Variants in HEMK2 observed in about 807,000 individuals in gnomAD.
HEMK2 encodes the protein methyltransferase HEMK2.
chr21:28,873,632 C>T, the HEMK2 span: 1 of 152,232 alleles, frequency 6.6e-6, no homozygotes, highest in South Asian at 2.1e-4. Context: ...TAAGAGATGC[C>T]CTAAGGAATC....
At chr21:28,678,146 A>G in the HEMK2 span, among the ~76,000 whole-genome samples, 1 of 152,188 alleles carries the variant, frequency 6.6e-6, no homozygotes, top group Non-Finnish European at 1.5e-5. Flanking sequence ...AAAAACCTGG[A>G]AAAAAATTAG....
chr21:28,832,868 A>G, the HEMK2 span, among the ~76,000 whole-genome samples: 1 of 152,246 alleles, frequency 6.6e-6, no homozygotes, highest in Non-Finnish European at 1.5e-5. Flanking sequence ...GATTCAGCTA[A>G]TATTTCTGGA....
the HEMK2 span, among the ~76,000 whole-genome samples, chr21:28,837,803 CAAGAA>C: frequency 6.6e-6 from 1 of 151,916 alleles, no homozygotes; most frequent in South Asian, 2.1e-4. Context: ...CAAGATTAAC[CAAGAA>C]AAGAAGAAAG....
chr21:28,803,602 G>GA, the HEMK2 span, among the ~76,000 whole-genome samples: 1 of 152,200 alleles, frequency 6.6e-6, no homozygotes, highest in African/African-American at 2.4e-5. Flanking sequence ...TTAATGCCCA[G>GA]AAAAACACAT....
At chr21:28,815,339 C>G in the HEMK2 span, among the ~76,000 whole-genome samples, 8 of 151,244 alleles carry the variant, frequency 5.3e-5, no homozygotes, top group East Asian at 2.0e-4. Flanking sequence ...CAAACCTGCA[C>G]GTTGTGCACA....
At chr21:28,630,643 A>G in the HEMK2 span, among the ~76,000 whole-genome samples, 4 of 151,754 alleles carry the variant, frequency 2.6e-5, no homozygotes, top group East Asian at 1.9e-4. Flanking sequence ...CATGGATGAA[A>G]CTGGAAACCA....
At chr21:28,608,479 G>A in the HEMK2 span, among the ~76,000 whole-genome samples, 1 of 151,874 alleles carries the variant, frequency 6.6e-6, no homozygotes, top group East Asian at 1.9e-4. Flanking sequence ...GGACAGAGCA[G>A]CATATGGAGA....
At chr21:28,634,150 G>C in the HEMK2 span, among the ~76,000 whole-genome samples, 1 of 152,146 alleles carries the variant, frequency 6.6e-6, no homozygotes, top group Admixed American at 6.5e-5. Flanking sequence ...AAATTATTTT[G>C]AGAACTCCAA....
chr21:28,666,559 T>A, the HEMK2 span, among the ~76,000 whole-genome samples: 1 of 152,256 alleles, frequency 6.6e-6, no homozygotes, highest in East Asian at 1.9e-4. Flanking sequence ...AAGAGAGACA[T>A]GAATGATTAG....
chr21:28,845,038 T>C, the HEMK2 span, among the ~76,000 whole-genome samples: 1 of 152,110 alleles, frequency 6.6e-6, no homozygotes, highest in Admixed American at 6.6e-5. Flanking sequence ...TCTCAGTTCA[T>C]ACATTTTTCT....
chr21:28,715,731 A>G, the HEMK2 span, among the ~76,000 whole-genome samples: 4 of 152,304 alleles, frequency 2.6e-5, no homozygotes, highest in African/African-American at 9.6e-5. Context: ...TATGTCCACA[A>G]GAGTATTTCC....
chr21:28,792,022 C>A, the HEMK2 span, among the ~76,000 whole-genome samples: 1 of 152,154 alleles, frequency 6.6e-6, no homozygotes, highest in Non-Finnish European at 1.5e-5. Flanking sequence ...CCCCACTGCT[C>A]ATTATATGCT....
At chr21:28,649,569 T>C in the HEMK2 span, among the ~76,000 whole-genome samples, 3 of 152,142 alleles carry the variant, frequency 2.0e-5, no homozygotes, top group African/African-American at 7.2e-5. Context: ...AACAGTAGAA[T>C]TTCTGAGAGT....
the HEMK2 span, among the ~76,000 whole-genome samples, chr21:28,584,542 T>C: frequency 6.6e-6 from 1 of 152,090 alleles, no homozygotes; most frequent in Non-Finnish European, 1.5e-5. Context: ...GCAAAACCTT[T>C]TAATTTAGGA....
the HEMK2 span, chr21:28,876,421 T>C: frequency 6.2e-7 from 1 of 1,611,850 alleles, no homozygotes; most frequent in Admixed American, 1.7e-5. Flanking sequence ...AAAGAGTTTC[T>C]TGGCCTGCTT....
At chr21:28,640,515 C>T in the HEMK2 span, among the ~76,000 whole-genome samples, 1 of 152,188 alleles carries the variant, frequency 6.6e-6, no homozygotes, top group African/African-American at 2.4e-5. Flanking sequence ...CAGAATGGTA[C>T]TACAGCGGAA....
At chr21:28,808,875 T>C in the HEMK2 span, among the ~76,000 whole-genome samples, 1 of 152,148 alleles carries the variant, frequency 6.6e-6, no homozygotes, top group Admixed American at 6.6e-5. Context: ...TTTCAACTTA[T>C]TCAAATTTAA....
At chr21:28,797,473 A>G in the HEMK2 span, among the ~76,000 whole-genome samples, 1 of 95,242 alleles carries the variant, frequency 1.0e-5, no homozygotes, top group African/African-American at 4.9e-5. Flanking sequence ...AAACAAAAAA[A>G]CAAATTAGCT....
chr21:28,767,351 G>A, the HEMK2 span, among the ~76,000 whole-genome samples: 24 of 150,670 alleles, frequency 1.6e-4, no homozygotes, highest in East Asian at 3.9e-3. Context: ...CACCTGCACC[G>A]CACCCCAAAA....
Sources: allele counts gnomAD v4.1 joint callset (sites outside exome capture counted in the v4.1 genomes callset), GRCh38; gene constraint gnomAD v4.1.1; transcripts MANE v1.5; gene names NCBI Gene and HGNC (gene_info 2026-07-23, HGNC 2026-07-21).